Variants in SLC9A9 observed in about 807,000 individuals in gnomAD.
The protein encoded by SLC9A9 is solute carrier family 9 member A9.
Under a neutral mutation model 77.8 loss-of-function variants are expected in SLC9A9, and 62 were observed. That is an observed-to-expected ratio of 0.80 (90% CI 0.65 to 0.98). The LOEUF is 0.98. Among genes scored for constraint, SLC9A9 ranks in the 50% least tolerant of loss-of-function variants. SLC9A9 has a pLI of 0.00. For synonymous variants in SLC9A9, 320 were observed against 283.5 expected (o/e 1.13, Z -1.29); for missense variants, 775 against 774.9 (o/e 1.00, Z 0.00).
chr3:143,470,934 A>G (rs957671498), intron 11 of SLC9A9, among the ~76,000 whole-genome samples: 2 of 152,250 alleles, frequency 1.3e-5, no homozygotes, highest in African/African-American at 2.4e-5. Flanking sequence ...ATATCTATAT[A>G]TAGAACATCT....
At chr3:143,740,050 G>A (rs1020548991) in intron 4 of SLC9A9, among the ~76,000 whole-genome samples, 5 of 152,158 alleles carry the variant, frequency 3.3e-5, no homozygotes, top group Non-Finnish European at 5.9e-5. Flanking sequence ...CATCAGGACT[G>A]TGTTATTGAA....
chr3:143,752,991 T>A (rs1182422496), intron 4 of SLC9A9, among the ~76,000 whole-genome samples: 4 of 152,178 alleles, frequency 2.6e-5, no homozygotes, highest in African/African-American at 9.7e-5. Context: ...ATTTATTGAG[T>A]AAGTAGGCAA....
intron 2 of SLC9A9, 36 bp downstream of exon 2, chr3:143,831,983 G>A: frequency 1.3e-6 from 2 of 1,562,034 alleles, no homozygotes; most frequent in African/African-American, 2.7e-5. Context: ...TATTTATACT[G>A]TAAAACAAAT....
chr3:143,620,297 A>G (rs763931227), intron 6 of SLC9A9, among the ~76,000 whole-genome samples: 1 of 152,204 alleles, frequency 6.6e-6, no homozygotes, highest in Non-Finnish European at 1.5e-5. Flanking sequence ...CTCATCTATT[A>G]ATAGGATAAG....
At chr3:143,281,835 G>A (rs1177264435) in intron 14 of SLC9A9, among the ~76,000 whole-genome samples, 1 of 152,112 alleles carries the variant, frequency 6.6e-6, no homozygotes, top group African/African-American at 2.4e-5. Flanking sequence ...CCTCCATCAC[G>A]GTTACGTCCT....
intron 12 of SLC9A9, among the ~76,000 whole-genome samples, chr3:143,446,958 G>T (rs2034857939): frequency 6.6e-6 from 1 of 152,230 alleles, no homozygotes; most frequent in East Asian, 1.9e-4. Flanking sequence ...GTTTAGAAGA[G>T]GGTTATATGT....
At chr3:143,425,445 T>C (rs888004739) in intron 12 of SLC9A9, among the ~76,000 whole-genome samples, 1 of 152,162 alleles carries the variant, frequency 6.6e-6, no homozygotes, top group Non-Finnish European at 1.5e-5. Context: ...CTACCAAGAA[T>C]GGCTGTCGGT....
At position 143,655,689 on chromosome 3, in the gene SLC9A9, C is replaced by CACACAT. The variant is rs1462065087; in HGVS notation, c.650-3330_650-3329insATGTGT. 71 of 866,300 alleles carry CACACAT rather than the reference C, an allele frequency of 8.2e-5. No homozygotes were observed. The South Asian group carries it at 3.0e-3, about 36-fold the overall frequency. The allele number at this position is 866,300 out of a possible 1,614,324, so 53.7% of individuals were successfully genotyped here. A position where few individuals can be genotyped will look rare whatever the true frequency, so the allele number is the denominator to read the frequency against. On this transcript the variant is annotated intron_variant, in intron 5 of 15. Transcript: ENST00000316549. ...AGATGAACATGCACATGTACACACA[C>CACACAT]ACACACACACACACACACACACAAA...
chr3:143,306,995 T>A (rs2030815524), intron 14 of SLC9A9, among the ~76,000 whole-genome samples: 1 of 152,122 alleles, frequency 6.6e-6, no homozygotes, highest in Admixed American at 6.6e-5. Context: ...CTCAGGGAGG[T>A]CCTCCCCACT....
intron 11 of SLC9A9, among the ~76,000 whole-genome samples, chr3:143,488,550 T>C (rs1207754549): frequency 2.6e-5 from 4 of 151,970 alleles, no homozygotes; most frequent in African/African-American, 9.7e-5. Context: ...CTATACACCA[T>C]GACCAAGTGA....
chr3:143,591,558 T>G (rs1471165423), intron 6 of SLC9A9, among the ~76,000 whole-genome samples: 1 of 151,842 alleles, frequency 6.6e-6, no homozygotes, highest in African/African-American at 2.4e-5. Context: ...GACTTTAACA[T>G]ATATTTGAAT....
intron 8 of SLC9A9, among the ~76,000 whole-genome samples, chr3:143,563,779 G>A (rs538837859): frequency 3.3e-5 from 5 of 152,258 alleles, no homozygotes; most frequent in South Asian, 4.1e-4. Flanking sequence ...GGCAAGCATT[G>A]CTCTAGATGA....
intron 9 of SLC9A9, among the ~76,000 whole-genome samples, chr3:143,532,954 T>C (rs1032923514): frequency 2.6e-5 from 4 of 152,200 alleles, no homozygotes; most frequent in Non-Finnish European, 5.9e-5. Flanking sequence ...GACTTCTCTA[T>C]TGGGGTCCTT....
intron 12 of SLC9A9, among the ~76,000 whole-genome samples, chr3:143,425,949 C>T (rs2034397192): frequency 6.6e-6 from 1 of 150,552 alleles, no homozygotes; most frequent in Non-Finnish European, 1.5e-5. Flanking sequence ...TACGCACCTG[C>T]TCCACACTAA....
At chr3:143,762,490 G>A (rs1014789736) in intron 4 of SLC9A9, among the ~76,000 whole-genome samples, 8 of 152,122 alleles carry the variant, frequency 5.3e-5, no homozygotes, top group Non-Finnish European at 1.2e-4. Context: ...AATAGCCCCT[G>A]ATGGAAGATT....
At chr3:143,745,497 A>G (rs891418392) in intron 4 of SLC9A9, among the ~76,000 whole-genome samples, 3 of 152,242 alleles carry the variant, frequency 2.0e-5, no homozygotes, top group African/African-American at 7.2e-5. Context: ...AGAACAGAAC[A>G]CTAAAATCAT....
intron 2 of SLC9A9, among the ~76,000 whole-genome samples, chr3:143,814,743 G>C (rs527648628): frequency 2.0e-5 from 3 of 152,254 alleles, no homozygotes; most frequent in Admixed American, 2.0e-4. Context: ...AGAATGGCTG[G>C]GGAGGAGCCG....
intron 12 of SLC9A9, among the ~76,000 whole-genome samples, chr3:143,453,177 C>A (rs949399588): frequency 6.6e-6 from 1 of 151,930 alleles, no homozygotes; most frequent in Non-Finnish European, 1.5e-5. Flanking sequence ...ACCTTGAATA[C>A]ACAAATTAAC....
In SLC9A9 at chr3:143,532,866, C is replaced by T. The variant is rs114929983; in HGVS notation, c.1089+19496G>A. On this transcript the variant is annotated intron_variant, in intron 9 of 15. Coordinates refer to ENST00000316549, the MANE Select transcript of SLC9A9 (RefSeq NM_173653.4). ...TGTGATGAGGCCTCTGCCTGCAATG[C>T]TCTCATTCTTGCCAACGCCTTTTGC... Among the ~76,000 whole-genome samples the T allele has an allele frequency of 8.8e-3, 1,342 of 152,312 alleles. 14 individuals are homozygous for T. Among genetic ancestry groups the T allele is most frequent in the African/African-American group, 0.03 (1,250 of 41,564 alleles).
Sources: gnomAD v4.1 joint callset for allele counts (sites outside exome capture counted in the v4.1 genomes callset) on GRCh38, gnomAD v4.1.1 for gene constraint, MANE v1.5 for transcripts, NCBI Gene and HGNC (gene_info 2026-07-23, HGNC 2026-07-21) for gene names.